CDK6: variants seen among roughly 807,000 people sequenced by gnomAD.
CDK6 encodes the protein cyclin-dependent kinase 6.
Under a neutral mutation model 37.1 loss-of-function variants are expected in CDK6, and 6 were observed. The ratio of observed to expected loss-of-function variants is 0.16; its 90% CI spans 0.09 to 0.32. The LOEUF is 0.32. CDK6 is among the 10% of genes least tolerant of loss of function. The pLI is 1.00. For synonymous variants in CDK6, 160 were observed against 161.3 expected, an observed-to-expected ratio of 0.99 and a Z score of 0.06; for missense variants, 224 against 418.9, an observed-to-expected ratio of 0.53 and a Z score of 4.06.
chr7:92,822,696 G>A lies in CDK6; in HGVS notation c.233+10395C>T, dbSNP rs539914307. On this transcript the variant is annotated intron_variant, in intron 2 of 7. Coordinates refer to ENST00000424848, the MANE Select transcript of CDK6 (RefSeq NM_001145306.2). ...ACAGGTAATTGAGTGCTAGGCACAC[G>A]GGGCAATGCAAAAATGATTAAAATA... Among the ~76,000 whole-genome samples the A allele has an allele frequency of 1.2e-4, 19 of 152,158 alleles. No individual in the cohort carries two copies. The South Asian group carries it at 3.7e-3, about 30-fold the overall frequency.
intron 5 of CDK6, among the ~76,000 whole-genome samples, chr7:92,643,126 A>C (rs1481415446): frequency 6.6e-6 from 1 of 152,162 alleles, no homozygotes; most frequent in African/African-American, 2.4e-5. Flanking sequence ...GACTCAAGTG[A>C]TCTGCTTGCC....
Position 92,833,804 on chromosome 7 carries a change from C to A in CDK6, c.-367-114G>T. 7.4e-6 allele frequency: 3 copies of A among 405,420 alleles called. No individual in the cohort carries two copies. Among genetic ancestry groups the A allele is most frequent in the Non-Finnish European group, 1.3e-5 (3 of 231,004 alleles). The allele number at this position is 405,420 out of a possible 1,614,324, so 25.1% of individuals were successfully genotyped here. A position where few individuals can be genotyped will look rare whatever the true frequency, so the allele number is the denominator to read the frequency against. On this transcript the variant is annotated intron_variant, in intron 1 of 7. Coordinates refer to ENST00000424848, the MANE Select transcript of CDK6 (RefSeq NM_001145306.2). The surrounding 1 kb of genome is among the most constrained non-coding windows in gnomAD (Gnocchi z 6.1). Reference sequence around the variant, plus strand: ...CCTTTACGAAGCCTCCATCGCTACCCTCCGCGCGCTCCTGCCCTCTCCCAA... The same window carrying A: ...CCTTTACGAAGCCTCCATCGCTACCATCCGCGCGCTCCTGCCCTCTCCCAA...
At chr7:92,616,140 T>A (rs1193942871) in intron 7 of CDK6, among the ~76,000 whole-genome samples, 1 of 152,130 alleles carries the variant, frequency 6.6e-6, no homozygotes, top group Non-Finnish European at 1.5e-5. Context: ...GGCTTCTCCA[T>A]CCTAAAGTGA....
intron 2 of CDK6, among the ~76,000 whole-genome samples, chr7:92,817,689 T>C (rs1307756303): frequency 6.6e-6 from 1 of 151,628 alleles, no homozygotes; most frequent in East Asian, 1.9e-4. Flanking sequence ...GACATATATA[T>C]ATATAGGGGG....
chr7:92,685,534 C>T (rs1437631548), intron 4 of CDK6, among the ~76,000 whole-genome samples: 1 of 152,196 alleles, frequency 6.6e-6, no homozygotes, highest in East Asian at 1.9e-4. Flanking sequence ...TGGCAGGTAG[C>T]TTCTTTTATC....
chr7:92,672,178 C>T (rs192458061), intron 4 of CDK6, among the ~76,000 whole-genome samples: 64 of 103,700 alleles, frequency 6.2e-4, no homozygotes, highest in South Asian at 3.3e-3. Context: ...CACACACACA[C>T]ACACAGACAC....
At position 92,833,359 on chromosome 7, in the gene CDK6, G is replaced by C. The variant is rs373356700; in HGVS notation, c.-36C>G. The C allele has an allele frequency of 3.4e-5, 50 of 1,483,638 alleles. No individual in the cohort carries two copies. The South Asian group carries it at 3.5e-4, about 10-fold the overall frequency. The allele number at this position is 1,483,638 out of a possible 1,614,324, so 91.9% of individuals were successfully genotyped here. A position where few individuals can be genotyped will look rare whatever the true frequency, so the allele number is the denominator to read the frequency against. On this transcript the variant is annotated 5_prime_UTR_variant, in exon 2 of 8. Transcript: ENST00000424848. This position sits in a 1 kb window ranked among gnomAD's most constrained non-coding sequence, Gnocchi z 6.1. The stretch of plus-strand genomic sequence containing the variant: ...CGCCGCCCGCCGCGGCGCCGCTGGG[G>C]CGGGCGGGGGGTGCGCTCAACTAGC...
At chr7:92,663,104 A>G (rs1253220531) in intron 5 of CDK6, among the ~76,000 whole-genome samples, 1 of 152,166 alleles carries the variant, frequency 6.6e-6, no homozygotes. Flanking sequence ...GGAAGAAGTA[A>G]TAAACCAGCA....
intron 4 of CDK6, among the ~76,000 whole-genome samples, chr7:92,715,519 T>A (rs1425824386): frequency 6.6e-5 from 10 of 152,224 alleles, no homozygotes; most frequent in Non-Finnish European, 1.2e-4. Context: ...TTAAAAATCA[T>A]CAGTATCCTT....
intron 4 of CDK6, among the ~76,000 whole-genome samples, chr7:92,702,177 T>C (rs1161697825): frequency 6.6e-6 from 1 of 150,490 alleles, no homozygotes; most frequent in Non-Finnish European, 1.5e-5. Flanking sequence ...AAAAATTGCA[T>C]GGTTATTTCT....
chr7:92,608,268 T>C lies in CDK6; in HGVS notation c.*6872A>G, dbSNP rs1795475589. On this transcript the variant is annotated 3_prime_UTR_variant, in exon 8 of 8. Transcript: ENST00000424848. ...ACTCCTAAAATTGAGAAAGGGTTATTTGTGTGACCAAACAACTCACACGGA... is the reference window on the plus strand; with the variant it reads ...ACTCCTAAAATTGAGAAAGGGTTATCTGTGTGACCAAACAACTCACACGGA... 8.6e-6 allele frequency: 2 copies of C among 232,154 alleles called. No individual in the cohort carries two copies. Among genetic ancestry groups the C allele is most frequent in the Admixed American group, 1.1e-4 (2 of 17,746 alleles). 14.4% of individuals were successfully genotyped at this position (232,154 alleles called of 1,614,324 possible). A position where few individuals can be genotyped will look rare whatever the true frequency, so the allele number is the denominator to read the frequency against.
At position 92,833,064 on chromosome 7, in the gene CDK6, T is replaced by C; in HGVS notation, c.233+27A>G. On this transcript the variant is annotated intron_variant, in intron 2 of 7. Transcript: ENST00000424848. The surrounding 1 kb of genome is among the most constrained non-coding windows in gnomAD (Gnocchi z 6.1). ...CTCCCCGCGCGCGCGAGGCCCCAGATGGCGAGGGCGCAGCTCCCTGGCTCA... is the reference window on the plus strand; with the variant it reads ...CTCCCCGCGCGCGCGAGGCCCCAGACGGCGAGGGCGCAGCTCCCTGGCTCA... 6.7e-7 allele frequency: 1 copy of C among 1,501,634 alleles called. No homozygotes were observed. The highest frequency in any genetic ancestry group is 9.0e-7 in the Non-Finnish European group (1 of 1,112,550). The allele number at this position is 1,501,634 out of a possible 1,614,324, so 93.0% of individuals were successfully genotyped here. A position where few individuals can be genotyped will look rare whatever the true frequency, so the allele number is the denominator to read the frequency against.
intron 5 of CDK6, among the ~76,000 whole-genome samples, chr7:92,631,464 C>CT (rs1796051036): frequency 1.3e-5 from 2 of 152,168 alleles, no homozygotes. Context: ...GTTTTATTCT[C>CT]TTTTTTCCTA....
chr7:92,672,242 CATATAT>C (rs1186549340), intron 4 of CDK6, among the ~76,000 whole-genome samples: 3 of 116,558 alleles, frequency 2.6e-5, no homozygotes, highest in African/African-American at 1.3e-4. Flanking sequence ...CACACACACA[CATATAT>C]GAAGATGGTG....
intron 3 of CDK6, among the ~76,000 whole-genome samples, chr7:92,728,288 C>T (rs1168624229): frequency 3.3e-5 from 5 of 152,054 alleles, no homozygotes; most frequent in African/African-American, 1.2e-4. Context: ...GTTAATATAA[C>T]TTTTTTTGTG....
Position 92,823,096 on chromosome 7 carries a change from G to GA in CDK6, c.233+9994dup, listed in dbSNP as rs527278707. ...ACCTCTTACTTTTATCAACTAAAGT[G>GA]AAAAAAAAAAAAACCAAACCTATAC... is the stretch of plus-strand genomic sequence containing the variant. On this transcript the variant is annotated intron_variant, in intron 2 of 7. Transcript: ENST00000424848. Among the ~76,000 whole-genome samples the GA allele has an allele frequency of 8.9e-3, 1,148 of 128,862 alleles. 12 individuals carry two copies. Among genetic ancestry groups the GA allele is most frequent in the African/African-American group, 0.019 (655 of 35,230 alleles). The allele number at this position is 128,862 out of a possible 152,430, so 84.5% of individuals were successfully genotyped here.
At chr7:92,640,624 C>T (rs762988805) in intron 5 of CDK6, among the ~76,000 whole-genome samples, 35 of 152,306 alleles carry the variant, frequency 2.3e-4, no homozygotes, top group South Asian at 8.3e-4. Flanking sequence ...TTCTGACTGA[C>T]GACTTCTGGG....
chr7:92,724,593 T>C (rs913959921), intron 4 of CDK6, among the ~76,000 whole-genome samples: 1 of 152,136 alleles, frequency 6.6e-6, no homozygotes, highest in Middle Eastern at 3.2e-3. Flanking sequence ...AGCTGTAGTA[T>C]TACTGAAATT....
intron 2 of CDK6, among the ~76,000 whole-genome samples, chr7:92,817,504 C>G (rs1019604351): frequency 6.6e-6 from 1 of 151,800 alleles, no homozygotes; most frequent in Non-Finnish European, 1.5e-5. Context: ...CTTCATCAAT[C>G]TGATAAAGGA....
Sources: allele counts gnomAD v4.1 joint callset (sites outside exome capture counted in the v4.1 genomes callset), GRCh38; gene constraint gnomAD v4.1.1; non-coding constraint Gnocchi (gnomAD v3.1); transcripts MANE v1.5; gene names NCBI Gene and HGNC (gene_info 2026-07-23, HGNC 2026-07-21).